The following CMTM8 variants were observed in gnomAD, a reference collection of about 807,000 sequenced individuals.
The protein encoded by CMTM8 is CKLF like MARVEL transmembrane domain containing 8.
CMTM8 carries 12 observed loss-of-function variants against 18.6 expected under a neutral mutation model. The ratio of observed to expected loss-of-function variants is 0.65; its 90% CI spans 0.41 to 1.05. The LOEUF (loss-of-function observed/expected upper bound fraction) is 1.05, where lower values mean the gene tolerates loss of function less well. Ranked by LOEUF, CMTM8 falls within the 50% of genes least tolerant of loss-of-function variation. CMTM8 has a pLI of 0.00. For synonymous variants in CMTM8, 87 were observed against 90.6 expected, an observed-to-expected ratio of 0.96 and a Z score of 0.23; for missense variants, 217 against 227.2, an observed-to-expected ratio of 0.95 and a Z score of 0.29.
At chr3:32,323,964 A>G (rs898870941) in intron 1 of CMTM8, among the ~76,000 whole-genome samples, 5 of 152,256 alleles carry the variant, frequency 3.3e-5, no homozygotes, top group Non-Finnish European at 7.3e-5. Context: ...AAAACTGACC[A>G]GTTCTGCTAG....
At chr3:32,303,865 A>C (rs1695673448) in intron 1 of CMTM8, among the ~76,000 whole-genome samples, 1 of 152,226 alleles carries the variant, frequency 6.6e-6, no homozygotes, top group South Asian at 2.1e-4. Context: ...TATTTACCAA[A>C]AATCATTAAA....
At chr3:32,281,311 G>A (rs558125932) in intron 1 of CMTM8, among the ~76,000 whole-genome samples, 11 of 152,246 alleles carry the variant, frequency 7.2e-5, no homozygotes, top group Admixed American at 2.6e-4. Flanking sequence ...AGCTGGATTC[G>A]TCTCTTCTCT....
intron 1 of CMTM8, among the ~76,000 whole-genome samples, chr3:32,353,065 C>T (rs1269030403): frequency 6.6e-6 from 1 of 152,190 alleles, no homozygotes; most frequent in East Asian, 1.9e-4. Context: ...GCAATCTCAG[C>T]TCACTGCAAC....
At chr3:32,299,439 A>T (rs1695569705) in intron 1 of CMTM8, among the ~76,000 whole-genome samples, 1 of 152,170 alleles carries the variant, frequency 6.6e-6, no homozygotes, top group South Asian at 2.1e-4. Context: ...TTGATTCAAG[A>T]GGAAAATATA....
intron 1 of CMTM8, among the ~76,000 whole-genome samples, chr3:32,248,088 A>G (rs1318931341): frequency 6.6e-6 from 1 of 152,196 alleles, no homozygotes; most frequent in Non-Finnish European, 1.5e-5. Flanking sequence ...TGATGTATAC[A>G]TTATTTTATT....
At chr3:32,334,704 C>G (rs1284651460) in intron 1 of CMTM8, among the ~76,000 whole-genome samples, 3 of 152,034 alleles carry the variant, frequency 2.0e-5, no homozygotes, top group Middle Eastern at 3.2e-3. Flanking sequence ...AAAATACATT[C>G]AAATTTGTAT....
At chr3:32,313,357 T>A (rs1695858197) in intron 1 of CMTM8, among the ~76,000 whole-genome samples, 1 of 152,168 alleles carries the variant, frequency 6.6e-6, no homozygotes, top group Non-Finnish European at 1.5e-5. Flanking sequence ...CATTTCGTAT[T>A]CCTGTGTAGT....
chr3:32,268,838 C>T (rs1702390384), intron 1 of CMTM8, among the ~76,000 whole-genome samples: 1 of 152,178 alleles, frequency 6.6e-6, no homozygotes, highest in African/African-American at 2.4e-5. Flanking sequence ...ACATGCAAAG[C>T]TCTGATCTCA....
chr3:32,334,986 G>A (rs919455474), intron 1 of CMTM8, among the ~76,000 whole-genome samples: 1 of 152,290 alleles, frequency 6.6e-6, no homozygotes, highest in South Asian at 2.1e-4. Flanking sequence ...GGTGAGGGAG[G>A]GAGGAAAGGG....
At chr3:32,347,831 T>C (rs1028087979) in intron 1 of CMTM8, among the ~76,000 whole-genome samples, 7 of 152,250 alleles carry the variant, frequency 4.6e-5, no homozygotes, top group Middle Eastern at 3.4e-3. Flanking sequence ...CTTCAATCGA[T>C]AAAAAGAAAG....
intron 1 of CMTM8, among the ~76,000 whole-genome samples, chr3:32,288,225 A>C (rs889693380): frequency 1.3e-5 from 2 of 152,334 alleles, no homozygotes; most frequent in South Asian, 2.1e-4. Flanking sequence ...CAAGGAGCTT[A>C]CAACTTAATT....
chr3:32,308,077 T>C (rs1361972181), intron 1 of CMTM8, among the ~76,000 whole-genome samples: 2 of 152,206 alleles, frequency 1.3e-5, no homozygotes, highest in African/African-American at 4.8e-5. Flanking sequence ...CCACAGGGTG[T>C]TGAGGATTTT....
intron 2 of CMTM8, among the ~76,000 whole-genome samples, chr3:32,363,363 G>T (rs760591813): frequency 5.9e-5 from 9 of 152,188 alleles, no homozygotes; most frequent in Non-Finnish European, 1.3e-4. Context: ...GGGGAGAGAA[G>T]GTAAAAAGTG....
chr3:32,319,234 A>G (rs34794754), intron 1 of CMTM8, among the ~76,000 whole-genome samples: 26,570 of 150,162 alleles, frequency 0.18, 2,613 homozygotes, highest in East Asian at 0.35. Flanking sequence ...ACCCACCACC[A>G]TGCCTGGCTA....
At chr3:32,257,574 A>C (rs535021388) in intron 1 of CMTM8, among the ~76,000 whole-genome samples, 1 of 151,984 alleles carries the variant, frequency 6.6e-6, no homozygotes, top group South Asian at 2.1e-4. Context: ...CAACCCATCT[A>C]TTGCTTTATT....
chr3:32,331,657 T>C (rs1696276984), intron 1 of CMTM8, among the ~76,000 whole-genome samples: 2 of 151,994 alleles, frequency 1.3e-5, no homozygotes, highest in South Asian at 2.1e-4. Flanking sequence ...AACAGATTAA[T>C]GGGTAAACAA....
At chr3:32,291,995 G>A (rs1278785110) in intron 1 of CMTM8, among the ~76,000 whole-genome samples, 1 of 152,114 alleles carries the variant, frequency 6.6e-6, no homozygotes, top group African/African-American at 2.4e-5. Flanking sequence ...AAATAAATTA[G>A]GTGAGACTAT....
chr3:32,263,814 A>G (rs1702292967), intron 1 of CMTM8, among the ~76,000 whole-genome samples: 1 of 152,250 alleles, frequency 6.6e-6, no homozygotes, highest in Non-Finnish European at 1.5e-5. Flanking sequence ...CACAAGCCTC[A>G]GTAGCCAATT....
intron 1 of CMTM8, among the ~76,000 whole-genome samples, chr3:32,274,892 G>T: frequency 6.6e-6 from 1 of 152,180 alleles, no homozygotes; most frequent in Admixed American, 6.6e-5. Context: ...AGTAGATTCA[G>T]GTTATGTGTT....
Sources: gnomAD v4.1 joint callset for allele counts (sites outside exome capture counted in the v4.1 genomes callset) on GRCh38, gnomAD v4.1.1 for gene constraint, MANE v1.5 for transcripts, NCBI Gene and HGNC (gene_info 2026-07-23, HGNC 2026-07-21) for gene names.